The following CKM variants were observed in gnomAD, a reference collection of about 807,000 sequenced individuals.
CKM encodes creatine kinase, M-type.
A neutral mutation model predicts 35.4 loss-of-function variants in CKM; 28 were observed. The observed-to-expected ratio is 0.79, with a 90% CI of 0.59 to 1.08. The LOEUF is 1.08. CKM is among the 50% of genes least tolerant of loss of function. CKM has a pLI of 0.00. For missense variants in CKM, 484 were observed against 509.8 expected (o/e 0.95, Z 0.49); for synonymous variants, 215 against 204.4 (o/e 1.05, Z -0.44).
chr19:45,306,712 G>A lies in CKM; in HGVS notation c.*38C>T. 9.3e-6 allele frequency: 15 copies of A among 1,611,486 alleles called. No individual in the cohort carries two copies. The highest frequency in any genetic ancestry group is 1.3e-5 in the Non-Finnish European group (15 of 1,178,460). ...CTCTGGTGGGCCAGGCCCTCCCACT[G>A]GCTGGGTTCCAGCAGTCGGTGGCAG... is the stretch of plus-strand genomic sequence containing the variant. On this transcript the variant is annotated 3_prime_UTR_variant, in exon 8 of 8. Coordinates refer to ENST00000221476, the MANE Select transcript of CKM (RefSeq NM_001824.5). This position sits in a 1 kb window ranked among gnomAD's most constrained non-coding sequence, Gnocchi z 4.5.
intron 3 of CKM, among the ~76,000 whole-genome samples, chr19:45,316,155 C>A (rs1032316357): frequency 1.3e-5 from 2 of 151,860 alleles, no homozygotes; most frequent in Non-Finnish European, 2.9e-5. Flanking sequence ...CATGGTGAAA[C>A]CCCATTTCTA....
chr19:45,312,682 A>G (rs1389797571), intron 4 of CKM, among the ~76,000 whole-genome samples: 1 of 152,032 alleles, frequency 6.6e-6, no homozygotes, highest in African/African-American at 2.4e-5. Context: ...GGCTGGGCGC[A>G]GTGGCTCATG....
intron 2 of CKM, 88 bp downstream of exon 2, chr19:45,319,433 C>CT (rs975045329): frequency 9.8e-7 from 1 of 1,017,380 alleles, no homozygotes; most frequent in Non-Finnish European, 1.5e-6. Context: ...GAGGCCCCCC[C>CT]CCCTTCAAGG....
At chr19:45,317,604 T>TA (rs1971171071) in intron 3 of CKM, among the ~76,000 whole-genome samples, 1 of 151,618 alleles carries the variant, frequency 6.6e-6, no homozygotes, top group Non-Finnish European at 1.5e-5. Context: ...TTTTTTTTTT[T>TA]AAAGACAGAG....
chr19:45,313,820 TGG>T (rs1208684279), intron 4 of CKM, among the ~76,000 whole-genome samples: 1 of 152,112 alleles, frequency 6.6e-6, no homozygotes, highest in African/African-American at 2.4e-5. Flanking sequence ...CACTCCAGCC[TGG>T]GCGACAAGAG....
chr19:45,311,863 G>C lies in CKM; in HGVS notation c.539C>G (p.Thr180Arg), dbSNP rs145987658. The C allele has an allele frequency of 1.2e-6, 2 of 1,613,954 alleles. No homozygotes were observed. Among genetic ancestry groups the C allele is most frequent in the Admixed American group, 1.7e-5 (1 of 60,000 alleles). The change falls in exon 5 of 8, where the codon ACG becomes AGG. Residue 180 changes from threonine (T) to arginine (R), a missense_variant. By Grantham distance (71) the Thr-to-Arg change is moderately conservative. Coordinates refer to ENST00000221476, the MANE Select transcript of CKM (RefSeq NM_001824.5). ...KGKYYPLKSM[T>R]EKEQQQLIDD... is the part of the protein sequence containing the mutation. ...GATGAGCTGCTGCTGCTCCTTCTCC[G>C]TCATGCTCTTCAGAGGGTAGTACTT... is the stretch of plus-strand genomic sequence containing the variant.
intron 2 of CKM, 143 bp from the exon 3 acceptor site, chr19:45,318,122 T>A (rs1332891029): frequency 1.3e-5 from 9 of 680,510 alleles, no homozygotes; most frequent in Non-Finnish European, 2.0e-5. Context: ...TTGAGAATCA[T>A]AAGGGTTGGG....
At chr19:45,321,616 G>T (rs1249289751) in intron 1 of CKM, among the ~76,000 whole-genome samples, 1 of 152,008 alleles carries the variant, frequency 6.6e-6, no homozygotes, top group Admixed American at 6.6e-5. Flanking sequence ...TGCTATTATT[G>T]TTATTTGTTA....
chr19:45,309,568 A>C (rs976989973), intron 5 of CKM, among the ~76,000 whole-genome samples: 5 of 145,276 alleles, frequency 3.4e-5, no homozygotes, highest in African/African-American at 1.3e-4. Context: ...AAAAAAAAAA[A>C]AAAAAACCTG....
intron 3 of CKM, 41 bp from the exon 4 acceptor site, chr19:45,315,638 G>A (rs373693295): frequency 3.6e-5 from 58 of 1,596,826 alleles, no homozygotes; most frequent in African/African-American, 2.8e-4. Context: ...CAGATCCTCC[G>A]CCCTCTCCAG....
In CKM at chr19:45,315,585, G is replaced by T. The variant is rs2123140454; in HGVS notation, c.361C>A (p.Leu121Met). 1 of 1,604,014 alleles carries T rather than the reference G, an allele frequency of 6.2e-7. No homozygotes were observed. Among genetic ancestry groups the T allele is most frequent in the Non-Finnish European group, 8.5e-7 (1 of 1,179,960 alleles). ...NHENLKGGDD[L>M]DPNYVLSSRV... ...CTGCTGAGCACGTAGTTAGGGTCCA[G>T]GTCGTCTCCACCCTGGAGAGCGGGT... is the stretch of plus-strand genomic sequence containing the variant. The change falls in exon 4 of 8, where the codon CTG (leucine) becomes ATG (methionine). Residue 121 changes from leucine to methionine, a missense_variant. Transcript: ENST00000221476.
intron 6 of CKM, 56 bp from the exon 7 acceptor site, chr19:45,307,706 C>G: frequency 4.8e-6 from 7 of 1,453,012 alleles, no homozygotes; most frequent in Non-Finnish European, 5.8e-6. Context: ...CCAAATGCAC[C>G]CGCAACATGG....
At chr19:45,311,625 C>A in intron 5 of CKM, 124 bp downstream of exon 5, 1 of 811,426 alleles carries the variant, frequency 1.2e-6, no homozygotes, top group Non-Finnish European at 1.9e-6. Flanking sequence ...GATCATTTTC[C>A]GTGGCATTTA....
At chr19:45,307,375 C>T (rs2123129195) in intron 7 of CKM, 86 bp downstream of exon 7, 2 of 1,310,266 alleles carry the variant, frequency 1.5e-6, no homozygotes, top group African/African-American at 1.5e-5. Flanking sequence ...CCCCAGAACT[C>T]GCAGGGATGT....
rs762483414 is a variant in CKM, at chr19:45,319,751, G to C, written c.-18-20C>G. The C allele has an allele frequency of 6.3e-7, 1 of 1,593,334 alleles. No individual in the cohort carries two copies. The highest frequency in any genetic ancestry group is 8.6e-7 in the Non-Finnish European group (1 of 1,162,474). On this transcript the variant is annotated intron_variant, in intron 1 of 7. Coordinates refer to ENST00000221476, the MANE Select transcript of CKM (RefSeq NM_001824.5). Reference sequence around the variant, plus strand: ...GGAGACCTGATGGGCAGGGCAGGAGGGGAAGATTGAAGATTAGCTGGCATC... The same window carrying C: ...GGAGACCTGATGGGCAGGGCAGGAGCGGAAGATTGAAGATTAGCTGGCATC...
At position 45,317,829 on chromosome 19, in the gene CKM, A is replaced by G. The variant is rs752839911; in HGVS notation, c.344T>C (p.Leu115Pro). ...KHKTDLNHEN[L>P]KGGDDLDPNY... is the part of the protein sequence containing the mutation. ...CCCTCCTGCGCAGACACCGACCTTGAGGTTTTCATGGTTGAGGTCAGTCTT... is the reference window on the plus strand; with the variant it reads ...CCCTCCTGCGCAGACACCGACCTTGGGGTTTTCATGGTTGAGGTCAGTCTT... The change falls in exon 3 of 8, where the codon CTC becomes CCC. Residue 115 changes from leucine to proline, a missense_variant. Transcript: ENST00000221476. 3 of 1,613,336 alleles carry G rather than the reference A, an allele frequency of 1.9e-6. No homozygotes were observed. Among genetic ancestry groups the G allele is most frequent in the Non-Finnish European group, 2.5e-6 (3 of 1,179,912 alleles).
At position 45,311,883 on chromosome 19, in the gene CKM, G is replaced by A; in HGVS notation, c.519C>T (p.Tyr173=). The A allele has an allele frequency of 5.0e-6, 8 of 1,614,058 alleles. No homozygotes were observed. The highest frequency in any genetic ancestry group is 6.8e-6 in the Non-Finnish European group (8 of 1,179,956). The change falls in exon 5 of 8, where the codon TAC becomes TAT. Residue 173 remains tyrosine, a synonymous_variant. Coordinates refer to ENST00000221476, the MANE Select transcript of CKM (RefSeq NM_001824.5). ...NSLTGEFKGK[Y]YPLKSMTEKE... ...TCTCCGTCATGCTCTTCAGAGGGTAGTACTTCCCTTTGAACTCGCCCGTCA... is the reference window on the plus strand; with the variant it reads ...TCTCCGTCATGCTCTTCAGAGGGTAATACTTCCCTTTGAACTCGCCCGTCA...
chr19:45,306,815 C>G lies in CKM; in HGVS notation c.1081G>C (p.Val361Leu). Residue 361 changes from valine to leucine, a missense_variant, in exon 8 of 8, where the codon GTG becomes CTG. Physicochemically the swap from Val to Leu is conservative, Grantham distance 32. Coordinates refer to ENST00000221476, the MANE Select transcript of CKM (RefSeq NM_001824.5). This position sits in a 1 kb window ranked among gnomAD's most constrained non-coding sequence, Gnocchi z 4.5. Reference protein sequence around the residue: ...QLVVDGVKLMVEMEKKLEKGQ... With the variant: ...QLVVDGVKLMLEMEKKLEKGQ... ...TTCTCCAACTTCTTCTCCATTTCCA[C>G]CATGAGCTTCACACCATCCACCACC... The G allele has an allele frequency of 1.2e-6, 2 of 1,614,216 alleles. No homozygotes were observed. Among genetic ancestry groups the G allele is most frequent in the Non-Finnish European group, 1.7e-6 (2 of 1,180,034 alleles).
intron 5 of CKM, among the ~76,000 whole-genome samples, chr19:45,309,778 G>C (rs988418493): frequency 2.0e-5 from 3 of 149,032 alleles, no homozygotes; most frequent in Non-Finnish European, 4.5e-5. Flanking sequence ...TGAGAGGATC[G>C]TTTGAACCCG....
Sources: gnomAD v4.1 joint callset for allele counts (sites outside exome capture counted in the v4.1 genomes callset) on GRCh38, gnomAD v4.1.1 for gene constraint, Gnocchi (gnomAD v3.1) non-coding constraint, MANE v1.5 for transcripts, NCBI Gene and HGNC (gene_info 2026-07-23, HGNC 2026-07-21) for gene names.